PCDHGA11: variants seen among roughly 807,000 people sequenced by gnomAD.
PCDHGA11 encodes the protein protocadherin gamma subfamily A, 11, also known as protocadherin gamma-A11.
Under a neutral mutation model 60.4 loss-of-function variants are expected in PCDHGA11, and 39 were observed. The ratio of observed to expected loss-of-function variants is 0.65; its 90% CI spans 0.50 to 0.84. The LOEUF is 0.84. Among genes scored for constraint, PCDHGA11 ranks in the 40% least tolerant of loss-of-function variants. The pLI is 0.00. For synonymous variants in PCDHGA11, 533 were observed against 510.3 expected, an observed-to-expected ratio of 1.04 and a Z score of -0.60; for missense variants, 1,165 against 1,197.7, an observed-to-expected ratio of 0.97 and a Z score of 0.40.
chr5:141,451,521 TAAAGG>T (rs1187561043), intron 1 of PCDHGA11, among the ~76,000 whole-genome samples: 1 of 152,148 alleles, frequency 6.6e-6, no homozygotes, highest in Non-Finnish European at 1.5e-5. Context: ...TTAGAGCAAG[TAAAGG>T]AGAGTGCCAG....
intron 1 of PCDHGA11, among the ~76,000 whole-genome samples, chr5:141,472,445 C>T (rs2099280467): frequency 6.6e-6 from 1 of 151,956 alleles, no homozygotes; most frequent in Non-Finnish European, 1.5e-5. Flanking sequence ...GAGGCTGAGG[C>T]AGGAGAATCG....
intron 1 of PCDHGA11, chr5:141,441,694 G>A (rs1443778772): frequency 2.3e-5 from 7 of 301,140 alleles, no homozygotes; most frequent in Non-Finnish European, 2.6e-5. Context: ...GAGCAGCCGC[G>A]AGCCTTCAAG....
intron 1 of PCDHGA11, among the ~76,000 whole-genome samples, chr5:141,482,723 A>G (rs1441054551): frequency 2.3e-5 from 3 of 128,892 alleles, no homozygotes; most frequent in Non-Finnish European, 4.9e-5. Context: ...GGGAGGGGCC[A>G]TTGCAAGAAA....
chr5:141,478,092 C>T (rs2099429960), intron 1 of PCDHGA11: 1 of 1,614,156 alleles, frequency 6.2e-7, no homozygotes, highest in Non-Finnish European at 8.5e-7. Flanking sequence ...CTCTCCACCA[C>T]TGCTACCCTC....
intron 1 of PCDHGA11, among the ~76,000 whole-genome samples, chr5:141,494,199 G>A (rs1033914239): frequency 1.3e-5 from 2 of 152,160 alleles, no homozygotes; most frequent in South Asian, 2.1e-4. Context: ...TGGATGCCCC[G>A]CAAAGGCCCA....
chr5:141,428,040 G>T, intron 1 of PCDHGA11: 1 of 1,608,668 alleles, frequency 6.2e-7, no homozygotes, highest in Non-Finnish European at 8.5e-7. Flanking sequence ...CGGCTACCTG[G>T]TGACCAAGGT....
intron 2 of PCDHGA11, among the ~76,000 whole-genome samples, chr5:141,496,748 C>T (rs1382244657): frequency 6.6e-6 from 1 of 152,130 alleles, no homozygotes; most frequent in African/African-American, 2.4e-5. Flanking sequence ...ATTTATTCAA[C>T]AAATATTTAT....
chr5:141,455,158 T>TG (rs1279537888), intron 1 of PCDHGA11, among the ~76,000 whole-genome samples: 46 of 145,032 alleles, frequency 3.2e-4, no homozygotes, highest in African/African-American at 1.0e-3. Flanking sequence ...ATTAGTTTGT[T>TG]GGTTTTTTTT....
chr5:141,425,585 A>T (rs1270579511), intron 1 of PCDHGA11, among the ~76,000 whole-genome samples: 1 of 152,252 alleles, frequency 6.6e-6, no homozygotes, highest in Non-Finnish European at 1.5e-5. Context: ...GGCTAACTTT[A>T]TTCTGAATAT....
intron 1 of PCDHGA11, chr5:141,427,874 G>A: frequency 1.3e-6 from 2 of 1,560,274 alleles, no homozygotes; most frequent in South Asian, 2.2e-5. Flanking sequence ...AGCTCACGAT[G>A]CAGGCCCACG....
Position 141,485,447 on chromosome 5 carries a change from C to G in PCDHGA11, c.2434-9360C>G, listed in dbSNP as rs1233800346. 6.2e-7 allele frequency: 1 copy of G among 1,614,144 alleles called. No individual in the cohort carries two copies. The highest frequency in any genetic ancestry group is 8.5e-7 in the Non-Finnish European group (1 of 1,180,036). On this transcript the variant is annotated intron_variant, in intron 1 of 3. Transcript: ENST00000398587. This position sits in a 1 kb window ranked among gnomAD's most constrained non-coding sequence, Gnocchi z 5.7. ...CCTGCTCATCAAGAACCCAATCGAC[C>G]GAGAGGCACTGTGTGGGCTCAGTGC... is the stretch of plus-strand genomic sequence containing the variant.
Position 141,421,724 on chromosome 5 carries a change from A to G in PCDHGA11, c.497A>G (p.Asn166Ser), listed in dbSNP as rs541532003. Residue 166 changes from asparagine (N) to serine (S), a missense_variant, in exon 1 of 4, where the codon AAC (asparagine) becomes AGC (serine). Physicochemically the swap from Asn to Ser is conservative, Grantham distance 46 (BLOSUM62 1). Transcript: ENST00000398587. ...PNARDPDVGV[N>S]SLQSYQLSPN... ...GCTAGGGATCCAGATGTGGGCGTGA[A>G]CTCCCTCCAGAGCTACCAGCTCAGC... 250 of 1,613,766 alleles carry G rather than the reference A, an allele frequency of 1.5e-4. 5 individuals are homozygous for G. The South Asian group carries it at 2.6e-3, about 17-fold the overall frequency.
intron 1 of PCDHGA11, among the ~76,000 whole-genome samples, chr5:141,454,900 C>T (rs1411402448): frequency 1.4e-5 from 2 of 145,486 alleles, no homozygotes; most frequent in African/African-American, 2.6e-5. Flanking sequence ...CACCGCCTCC[C>T]GGGTTCACGC....
Position 141,430,800 on chromosome 5 carries a change from T to C in PCDHGA11, c.2433+7140T>C, listed in dbSNP as rs770490590. 2.6e-6 allele frequency: 4 copies of C among 1,524,818 alleles called. No homozygotes were observed. In the South Asian group the frequency reaches 5.3e-5, roughly 20 times the overall value. 94.5% of individuals were successfully genotyped at this position (1,524,818 alleles called of 1,614,324 possible). A position where few individuals can be genotyped will look rare whatever the true frequency, so the allele number is the denominator to read the frequency against. ...CTGCACCGGGACTACAAAGGGCTTG[T>C]CCTGCTGGGAATCCTCCTGGGGACT... is the stretch of plus-strand genomic sequence containing the variant. On this transcript the variant is annotated intron_variant, in intron 1 of 3. Transcript: ENST00000398587.
In PCDHGA11 at chr5:141,511,197, C is replaced by A; in HGVS notation, c.*24C>A. 1 of 1,613,140 alleles carries A rather than the reference C, an allele frequency of 6.2e-7. No individual in the cohort carries two copies. Among genetic ancestry groups the A allele is most frequent in the Non-Finnish European group, 8.5e-7 (1 of 1,179,524 alleles). Reference sequence around the variant, plus strand: ...AACATGGAGGCCAGGCCAAGAGCCACAGGGCGGCCTCTCCCCAACCAGCCC... The same window carrying A: ...AACATGGAGGCCAGGCCAAGAGCCAAAGGGCGGCCTCTCCCCAACCAGCCC... On this transcript the variant is annotated 3_prime_UTR_variant, in exon 4 of 4. Transcript: ENST00000398587.
intron 1 of PCDHGA11, among the ~76,000 whole-genome samples, chr5:141,447,744 T>G (rs1020767891): frequency 3.4e-4 from 51 of 152,206 alleles, no homozygotes; most frequent in African/African-American, 1.2e-3. Context: ...CTTAAGAGTC[T>G]TGCATGTGAC....
intron 1 of PCDHGA11, chr5:141,430,886 T>C: frequency 6.2e-7 from 1 of 1,605,190 alleles, no homozygotes; most frequent in Non-Finnish European, 8.5e-7. Context: ...GGAGAAAGGC[T>C]CTAGGGTGGG....
chr5:141,476,023 G>T lies in PCDHGA11; in HGVS notation c.2434-18784G>T. On this transcript the variant is annotated intron_variant, in intron 1 of 3. Coordinates refer to ENST00000398587, the MANE Select transcript of PCDHGA11 (RefSeq NM_018914.3). The surrounding 1 kb of genome is among the most constrained non-coding windows in gnomAD (Gnocchi z 7.6). Reference sequence around the variant, plus strand: ...CATCCAGAAAGCCATGTCGGACTCGGCGCCCAGCGCCCAAGCGCTAACCCG... The same window carrying T: ...CATCCAGAAAGCCATGTCGGACTCGTCGCCCAGCGCCCAAGCGCTAACCCG... The T allele has an allele frequency of 7.1e-7, 1 of 1,415,690 alleles. No individual in the cohort carries two copies. Among genetic ancestry groups the T allele is most frequent in the Non-Finnish European group, 9.5e-7 (1 of 1,057,324 alleles). 87.7% of individuals were successfully genotyped at this position (1,415,690 alleles called of 1,614,324 possible).
intron 1 of PCDHGA11, among the ~76,000 whole-genome samples, chr5:141,470,694 ATAATTT>A (rs2099236876): frequency 6.6e-6 from 1 of 151,978 alleles, no homozygotes; most frequent in African/African-American, 2.4e-5. Context: ...GAAATTCTTA[ATAATTT>A]TTATTTTATT....
Sources: gnomAD v4.1 joint callset for allele counts (sites outside exome capture counted in the v4.1 genomes callset) on GRCh38, gnomAD v4.1.1 for gene constraint, Gnocchi (gnomAD v3.1) non-coding constraint, MANE v1.5 for transcripts, NCBI Gene and HGNC (gene_info 2026-07-23, HGNC 2026-07-21) for gene names.